Variants in TTN observed in about 807,000 individuals in gnomAD.
TTN encodes titin.
TTN carries 1,525 observed loss-of-function variants against 3,223.0 expected under a neutral mutation model. The observed-to-expected ratio is 0.47, with a 90% CI of 0.45 to 0.49. The LOEUF is 0.49. Ranked by LOEUF, TTN falls within the 20% of genes least tolerant of loss-of-function variation. The probability of loss-of-function intolerance (pLI) is 0.00; values close to 1 mark genes in which losing one functional copy is unlikely to be tolerated. For synonymous variants in TTN, 14,094 were observed against 15,161.0 expected (o/e 0.93, Z 5.17); for missense variants, 40,786 against 43,424.0 (o/e 0.94, Z 5.40).
chr2:178,611,277 A>T lies in TTN; in HGVS notation c.50858-6T>A. 6.2e-7 allele frequency: 1 copy of T among 1,611,544 alleles called. No homozygotes were observed. Among genetic ancestry groups the T allele is most frequent in the Non-Finnish European group, 8.5e-7 (1 of 1,178,994 alleles). ...CAGGTCAATTGTTGGCTTGCCTGTA[A>T]GATATCATTCAAAAGAGCAAAAAAC... On this transcript the variant is annotated splice_polypyrimidine_tract_variant and splice_region_variant and intron_variant, in intron 269 of 362. Transcript: ENST00000589042.
chr2:178,637,997 A>G (rs1007992071), intron 223 of TTN, among the ~76,000 whole-genome samples: 3 of 152,068 alleles, frequency 2.0e-5, no homozygotes, highest in Non-Finnish European at 2.9e-5. Flanking sequence ...GTTTGATTCC[A>G]TTATTAATAC....
At chr2:178,544,542 C>A in intron 344 of TTN, 36 bp from the exon 345 acceptor site, 1 of 1,530,910 alleles carries the variant, frequency 6.5e-7, no homozygotes. Flanking sequence ...AGATATTAGG[C>A]AAATAAGGAA....
intron 168 of TTN, 57 bp downstream of exon 168, chr2:178,664,403 G>A (rs929284128): frequency 4.1e-5 from 54 of 1,311,412 alleles, no homozygotes; most frequent in Non-Finnish European, 5.5e-5. Flanking sequence ...CTAGAAAGGT[G>A]GTCCTTTCTA....
Position 178,682,921 on chromosome 2 carries a change from A to T in TTN, c.32888-18T>A. ...AGTTACTTCTGAAACAATATTAACA[A>T]CAGGCAGCACTTTACTTTAAAGCAC... On this transcript the variant is annotated intron_variant, in intron 134 of 362. Coordinates refer to ENST00000589042, the MANE Select transcript of TTN (RefSeq NM_001267550.2). 2.6e-6 allele frequency: 4 copies of T among 1,568,372 alleles called. No individual in the cohort carries two copies. The highest frequency in any genetic ancestry group is 1.2e-5 in the South Asian group (1 of 84,476).
At position 178,536,145 on chromosome 2, in the gene TTN, T is replaced by C; in HGVS notation, c.100602A>G (p.Lys33534=). Residue 33534 remains lysine, a synonymous_variant, in exon 357 of 363, where the codon AAA becomes AAG. Coordinates refer to ENST00000589042, the MANE Select transcript of TTN (RefSeq NM_001267550.2). ...ATTTTAATCCATCTGCAATGATTTC[T>C]TTGCCTTGTCTGTACCATTTGACGA... ...KPIVKWYRQG[K]EIIADGLKYR... 2 of 1,613,694 alleles carry C rather than the reference T, an allele frequency of 1.2e-6. No homozygotes were observed. Among genetic ancestry groups the C allele is most frequent in the Non-Finnish European group, 1.7e-6 (2 of 1,179,722 alleles).
chr2:178,726,343 A>G (rs1217369768), intron 69 of TTN: 2 of 243,502 alleles, frequency 8.2e-6, no homozygotes, highest in Non-Finnish European at 7.8e-6. Context: ...AAAATTGCAA[A>G]CAAGCAAGTA....
rs1431193511 is a variant in TTN, at chr2:178,770,272, G to C, written c.8429C>G (p.Ala2810Gly). The C allele has an allele frequency of 1.2e-6, 2 of 1,614,142 alleles. No individual in the cohort carries two copies. The highest frequency in any genetic ancestry group is 8.5e-7 in the Non-Finnish European group (1 of 1,180,006). Residue 2810 changes from alanine to glycine, a missense_variant, in exon 36 of 363, where the codon GCC (alanine) becomes GGC (glycine). Ala to Gly is a moderately conservative substitution (Grantham distance 60). Transcript: ENST00000589042. ...KPKDVTALEN[A>G]TVAFEVSVSH... ...AACACTAACTTCAAAGGCAACAGTG[G>C]CATTTTCCAAGGCTGTCACATCCTT...
rs766884321 is a variant in TTN at position 178,764,226 on chromosome 2, G to A, written c.10065C>T (p.Val3355=). ...AACGGGCTGGCTGCCCTTCAGAAGTGACAGTGTCCTGAAGCGGGGTGATGA... is the reference window on the plus strand; with the variant it reads ...AACGGGCTGGCTGCCCTTCAGAAGTAACAGTGTCCTGAAGCGGGGTGATGA... The part of the protein sequence containing the change: ...PAIITPLQDT[V]TSEGQPARFQ... Residue 3355 remains valine, a synonymous_variant, in exon 43 of 363, where the codon GTC becomes GTT. Coordinates refer to ENST00000589042, the MANE Select transcript of TTN (RefSeq NM_001267550.2). 1 of 1,614,122 alleles carries A rather than the reference G, an allele frequency of 6.2e-7. No homozygotes were observed. The highest frequency in any genetic ancestry group is 1.7e-5 in the Admixed American group (1 of 60,020).
chr2:178,530,865 T>C lies in TTN; in HGVS notation c.105750A>G (p.Pro35250=), dbSNP rs909036342. The C allele has an allele frequency of 6.2e-7, 1 of 1,613,930 alleles. No individual in the cohort carries two copies. Among genetic ancestry groups the C allele is most frequent in the Non-Finnish European group, 8.5e-7 (1 of 1,179,876 alleles). The change falls in exon 358 of 363, where the codon CCA becomes CCG. Residue 35250 remains proline, a synonymous_variant. Coordinates refer to ENST00000589042, the MANE Select transcript of TTN (RefSeq NM_001267550.2). Reference sequence around the variant, plus strand: ...AAGGTTCTGGAGATTTCACTCGTTTTGGAGACTTAACTGCTTCTGGGGATT... The same window carrying C: ...AAGGTTCTGGAGATTTCACTCGTTTCGGAGACTTAACTGCTTCTGGGGATT... ...RVKSPEAVKS[P]KRVKSPEPSH...
At chr2:178,711,575 C>A (rs949204880) in intron 96 of TTN, among the ~76,000 whole-genome samples, 2 of 152,126 alleles carry the variant, frequency 1.3e-5, no homozygotes, top group Non-Finnish European at 2.9e-5. Context: ...AGTATGAAAA[C>A]CAATAAAGCA....
At chr2:178,646,383 C>A in intron 216 of TTN, 102 bp downstream of exon 216, 2 of 721,566 alleles carry the variant, frequency 2.8e-6, no homozygotes, top group Non-Finnish European at 2.2e-6. Context: ...ACTTTACATA[C>A]AAATGGGAAC....
rs775687221 is a variant in TTN, at chr2:178,773,879, G to A, written c.7289C>T (p.Pro2430Leu). The change falls in exon 31 of 363, where the codon CCA becomes CTA. Residue 2430 changes from proline to leucine, a missense_variant. Pro to Leu is a moderately conservative substitution (Grantham distance 98, BLOSUM62 -3). Transcript: ENST00000589042. ...CCCACTGGTGGAGAGGCCAAGGGCTGGAATGGTGAAAGAGTAATTTCCAGC... is the reference window on the plus strand; with the variant it reads ...CCCACTGGTGGAGAGGCCAAGGGCTAGAATGGTGAAAGAGTAATTTCCAGC... Reference protein sequence around the residue: ...EDAGNYSFTIPALGLSTSGRV... With the variant: ...EDAGNYSFTILALGLSTSGRV... 2.5e-6 allele frequency: 4 copies of A among 1,614,084 alleles called. No homozygotes were observed. In the Admixed American group the frequency reaches 5.0e-5, roughly 20 times the overall value.
rs370669650 is a variant in TTN, at chr2:178,618,330, G to A, written c.47128C>T (p.Arg15710Cys). The change falls in exon 252 of 363, where the codon CGT becomes TGT. Residue 15710 changes from arginine (R) to cysteine (C), a missense_variant. Arg to Cys is a radical substitution (Grantham distance 180). Transcript: ENST00000589042. Reference protein sequence around the residue: ...KRKTWVLATDRAESCEFTVTG... With the variant: ...KRKTWVLATDCAESCEFTVTG... ...ACAGTAAACTCACAACTCTCTGCACGGTCTGTGGCCAGAACCCAGGTCTTT... is the reference window on the plus strand; with the variant it reads ...ACAGTAAACTCACAACTCTCTGCACAGTCTGTGGCCAGAACCCAGGTCTTT... 1.1e-5 allele frequency: 18 copies of A among 1,612,418 alleles called. No homozygotes were observed. The highest frequency in any genetic ancestry group is 4.4e-5 in the South Asian group (4 of 91,056).
At chr2:178,758,318 T>A (rs918914243) in intron 44 of TTN, among the ~76,000 whole-genome samples, 1 of 152,248 alleles carries the variant, frequency 6.6e-6, no homozygotes, top group Admixed American at 6.5e-5. Flanking sequence ...TAAATCCTTA[T>A]GTATTTGTAT....
At chr2:178,666,064 C>CTA (rs1277064369) in intron 163 of TTN, among the ~76,000 whole-genome samples, 3 of 152,050 alleles carry the variant, frequency 2.0e-5, no homozygotes, top group African/African-American at 7.2e-5. Context: ...ATAATTAATG[C>CTA]TATACCTCTA....
intron 47 of TTN, among the ~76,000 whole-genome samples, chr2:178,742,672 A>T (rs1377469249): frequency 6.6e-6 from 1 of 152,090 alleles, no homozygotes; most frequent in Non-Finnish European, 1.5e-5. Context: ...CATAACAGAG[A>T]CTCTTTAAAC....
chr2:178,587,973 A>G lies in TTN; in HGVS notation c.63434T>C (p.Val21145Ala). The G allele has an allele frequency of 6.2e-7, 1 of 1,611,868 alleles. No individual in the cohort carries two copies. The highest frequency in any genetic ancestry group is 8.5e-7 in the Non-Finnish European group (1 of 1,178,968). Residue 21145 changes from valine (V) to alanine (A), a missense_variant, in exon 305 of 363, where the codon GTG becomes GCG. Transcript: ENST00000589042. ...AATACCAACTTGGTTTTGGGCACAC[A>G]CCCTGAACTCATATTCCTGGTTTTC... ...LDENQEYEFR[V>A]CAQNQVGIGR...
chr2:178,559,023 GTA>G (rs112911746), intron 326 of TTN: 575 of 270,874 alleles, frequency 2.1e-3, no homozygotes, highest in Middle Eastern at 4.9e-3. Flanking sequence ...TATAATCTGT[GTA>G]TATATATATA....
In TTN at chr2:178,724,087, C is replaced by T; in HGVS notation, c.21172G>A (p.Gly7058Ser). The change falls in exon 73 of 363, where the codon GGT becomes AGT. Residue 7058 changes from glycine (G) to serine (S), a missense_variant. Physicochemically the swap from Gly to Ser is moderately conservative, Grantham distance 56. Coordinates refer to ENST00000589042, the MANE Select transcript of TTN (RefSeq NM_001267550.2). ...RRLKNTGGVLGASCILECKVA... is the reference protein window; with the variant it reads ...RRLKNTGGVLSASCILECKVA... ...TTGCATTCCAAGATGCAAGAAGCAC[C>T]TAACACCCCACCAGTATTTTTCAGT... 1 of 1,613,360 alleles carries T rather than the reference C, an allele frequency of 6.2e-7. No homozygotes were observed. Among genetic ancestry groups the T allele is most frequent in the Non-Finnish European group, 8.5e-7 (1 of 1,179,554 alleles).
Sources: gnomAD v4.1 joint callset for allele counts (sites outside exome capture counted in the v4.1 genomes callset) on GRCh38, gnomAD v4.1.1 for gene constraint, MANE v1.5 for transcripts, NCBI Gene and HGNC (gene_info 2026-07-23, HGNC 2026-07-21) for gene names.